TMEM132B: variants seen among roughly 807,000 people sequenced by gnomAD.
TMEM132B encodes transmembrane protein 132B.
Under a neutral mutation model 90.8 loss-of-function variants are expected in TMEM132B, and 18 were observed. That is an observed-to-expected ratio of 0.20 (90% confidence interval 0.14 to 0.29). The LOEUF (loss-of-function observed/expected upper bound fraction) is 0.29. Among genes scored for constraint, TMEM132B ranks in the 10% least tolerant of loss-of-function variants. TMEM132B has a pLI of 1.00. For synonymous variants in TMEM132B, 504 were observed against 523.3 expected (o/e 0.96, Z 0.50); for missense variants, 1,096 against 1,326.8 (o/e 0.83, Z 2.70).
chr12:125,189,520 A>G (rs1450861554), intron 1 of TMEM132B, among the ~76,000 whole-genome samples: 1 of 128,734 alleles, frequency 7.8e-6, no homozygotes, highest in Non-Finnish European at 1.7e-5. Flanking sequence ...TCTCATTACA[A>G]TAGTGATGGG....
intron 4 of TMEM132B, among the ~76,000 whole-genome samples, chr12:125,528,605 G>A (rs1441787925): frequency 1.3e-5 from 2 of 152,224 alleles, no homozygotes; most frequent in Non-Finnish European, 2.9e-5. Context: ...GTCATGCTAG[G>A]GGAGGGGACT....
At chr12:125,217,583 A>G (rs1229796490) in intron 1 of TMEM132B, among the ~76,000 whole-genome samples, 1 of 152,086 alleles carries the variant, frequency 6.6e-6, no homozygotes, top group Admixed American at 6.5e-5. Context: ...AGTAGCTGGG[A>G]CTACAGGCAG....
chr12:125,480,466 G>T (rs922223542), intron 3 of TMEM132B, among the ~76,000 whole-genome samples: 2 of 152,154 alleles, frequency 1.3e-5, no homozygotes, highest in Admixed American at 6.5e-5. Flanking sequence ...TACTGTCAGA[G>T]AATACTATAA....
intron 4 of TMEM132B, among the ~76,000 whole-genome samples, chr12:125,562,071 T>C (rs1884546341): frequency 6.6e-6 from 1 of 152,252 alleles, no homozygotes; most frequent in African/African-American, 2.4e-5. Context: ...TCAAAGATCT[T>C]AGCTAGATCT....
intron 2 of TMEM132B, among the ~76,000 whole-genome samples, chr12:125,372,257 G>A (rs1429852960): frequency 6.6e-6 from 1 of 152,210 alleles, no homozygotes; most frequent in Non-Finnish European, 1.5e-5. Flanking sequence ...CTGACTTGGC[G>A]GAGCCTGTGT....
intron 6 of TMEM132B, among the ~76,000 whole-genome samples, chr12:125,649,349 A>G (rs923767041): frequency 2.0e-5 from 3 of 152,236 alleles, no homozygotes; most frequent in Non-Finnish European, 4.4e-5. Context: ...AACATGTTTC[A>G]TAGCTGTTGT....
At chr12:125,276,311 G>A (rs572113352) in intron 1 of TMEM132B, among the ~76,000 whole-genome samples, 29 of 152,314 alleles carry the variant, frequency 1.9e-4, no homozygotes, top group African/African-American at 6.3e-4. Context: ...ATCTCTGCAC[G>A]ACAGAGGTGC....
intron 5 of TMEM132B, among the ~76,000 whole-genome samples, chr12:125,599,447 C>T (rs1325620455): frequency 6.6e-6 from 1 of 152,046 alleles, no homozygotes; most frequent in Non-Finnish European, 1.5e-5. Flanking sequence ...TGTTGAAAAA[C>T]TTTTGGGGAA....
At chr12:125,394,951 T>C (rs2136309473) in intron 2 of TMEM132B, among the ~76,000 whole-genome samples, 1 of 152,188 alleles carries the variant, frequency 6.6e-6, no homozygotes, top group Non-Finnish European at 1.5e-5. Context: ...GTTCAGTATT[T>C]GAGTGATGGG....
At chr12:125,601,804 A>G (rs1330777312) in intron 5 of TMEM132B, among the ~76,000 whole-genome samples, 2 of 152,206 alleles carry the variant, frequency 1.3e-5, no homozygotes, top group African/African-American at 4.8e-5. Flanking sequence ...CCACAGAAAT[A>G]CAAACTACCA....
At chr12:125,441,915 A>G (rs1195013749) in intron 3 of TMEM132B, among the ~76,000 whole-genome samples, 1 of 152,250 alleles carries the variant, frequency 6.6e-6, no homozygotes, top group African/African-American at 2.4e-5. Flanking sequence ...CTCAGCAGAT[A>G]TGCTCCCTAA....
chr12:125,229,679 G>C (rs1305646621), intron 1 of TMEM132B, among the ~76,000 whole-genome samples: 1 of 152,210 alleles, frequency 6.6e-6, no homozygotes, highest in African/African-American at 2.4e-5. Flanking sequence ...TTCAGGCATA[G>C]CTGAATCCAG....
chr12:125,231,402 T>C (rs2136082962), intron 1 of TMEM132B, among the ~76,000 whole-genome samples: 1 of 152,296 alleles, frequency 6.6e-6, no homozygotes, highest in African/African-American at 2.4e-5. Flanking sequence ...ACCTACTGCA[T>C]GAGTGACCTT....
chr12:125,353,734 C>G (rs562774059), intron 2 of TMEM132B, among the ~76,000 whole-genome samples: 65 of 152,298 alleles, frequency 4.3e-4, no homozygotes, highest in Non-Finnish European at 8.5e-4. Flanking sequence ...TCATCCCCCA[C>G]AGCTCACTGC....
At chr12:125,396,435 C>T (rs970330815) in intron 2 of TMEM132B, among the ~76,000 whole-genome samples, 2 of 152,222 alleles carry the variant, frequency 1.3e-5, no homozygotes, top group African/African-American at 4.8e-5. Context: ...ATGCCAGGCT[C>T]TGTTCTAAGC....
chr12:125,576,388 G>A (rs1015389236), intron 4 of TMEM132B, among the ~76,000 whole-genome samples: 6 of 151,778 alleles, frequency 4.0e-5, no homozygotes, highest in African/African-American at 1.5e-4. Context: ...AATTTTCTAG[G>A]TATGGGATCA....
intron 3 of TMEM132B, among the ~76,000 whole-genome samples, chr12:125,516,204 C>T (rs919286856): frequency 2.5e-4 from 38 of 152,140 alleles, no homozygotes; most frequent in African/African-American, 6.8e-4. Flanking sequence ...CACATGCCTC[C>T]TTCCCCACTG....
chr12:125,504,307 GA>G (rs1247763836), intron 3 of TMEM132B, among the ~76,000 whole-genome samples: 2 of 152,172 alleles, frequency 1.3e-5, no homozygotes, highest in Non-Finnish European at 2.9e-5. Flanking sequence ...CAAGGTTAAT[GA>G]GGTTGAAGAT....
chr12:125,542,252 A>C (rs1883978576), intron 4 of TMEM132B, among the ~76,000 whole-genome samples: 1 of 152,190 alleles, frequency 6.6e-6, no homozygotes, highest in Non-Finnish European at 1.5e-5. Context: ...TTTCTTCAAG[A>C]GTCTGCTAGG....
Sources: allele counts gnomAD v4.1 joint callset (sites outside exome capture counted in the v4.1 genomes callset), GRCh38; gene constraint gnomAD v4.1.1; transcripts MANE v1.5; gene names NCBI Gene and HGNC (gene_info 2026-07-23, HGNC 2026-07-21).